GALK2: variants seen among roughly 807,000 people sequenced by gnomAD.
The protein encoded by GALK2 is galactokinase 2.
Under a neutral mutation model 52.4 loss-of-function variants are expected in GALK2, and 36 were observed. The ratio of observed to expected loss-of-function variants is 0.69; its 90% confidence interval spans 0.53 to 0.91. GALK2 has a LOEUF of 0.91. Among genes scored for constraint, GALK2 ranks in the 40% least tolerant of loss-of-function variants. GALK2 has a pLI of 0.00. For synonymous variants in GALK2, 176 were observed against 199.1 expected (o/e 0.88, Z 0.98); for missense variants, 579 against 559.1 (o/e 1.04, Z -0.36).
chr15:49,279,708 G>T (rs1397164983), intron 5 of GALK2, among the ~76,000 whole-genome samples: 1 of 152,196 alleles, frequency 6.6e-6, no homozygotes, highest in African/African-American at 2.4e-5. Context: ...TTTTACACTG[G>T]CCCAGGGTCA....
chr15:49,162,193 A>T (rs1595847524), intron 1 of GALK2, among the ~76,000 whole-genome samples: 1 of 152,240 alleles, frequency 6.6e-6, no homozygotes, highest in East Asian at 1.9e-4. Flanking sequence ...TTGTCACTAT[A>T]GATTAGTTTA....
intron 3 of GALK2, among the ~76,000 whole-genome samples, chr15:49,359,632 C>T (rs925716011): frequency 7.8e-6 from 1 of 128,320 alleles, no homozygotes; most frequent in African/African-American, 3.0e-5. Context: ...CACTTTTACA[C>T]TGTTGGTGGG....
chr15:49,312,320 G>A (rs1438936304), intron 8 of GALK2, among the ~76,000 whole-genome samples: 3 of 152,232 alleles, frequency 2.0e-5, no homozygotes, highest in African/African-American at 7.2e-5. Context: ...GGTAGAAGAA[G>A]GGAGATAGGT....
chr15:49,277,824 A>T (rs1439386260), intron 5 of GALK2, among the ~76,000 whole-genome samples: 3 of 151,958 alleles, frequency 2.0e-5, no homozygotes, highest in African/African-American at 7.2e-5. Flanking sequence ...AAAGGATTTG[A>T]CCTTTCTGCT....
chr15:49,365,431 C>T (rs2151436977), intron 3 of GALK2: 1 of 944,998 alleles, frequency 1.1e-6, no homozygotes. Context: ...ACGCAAGCAA[C>T]AGGCCTGTAC....
chr15:49,280,041 C>T (rs1282778464), intron 5 of GALK2, among the ~76,000 whole-genome samples: 1 of 152,150 alleles, frequency 6.6e-6, no homozygotes, highest in Non-Finnish European at 1.5e-5. Flanking sequence ...TTGAAAGCAG[C>T]AGGTGTTTAT....
At chr15:49,188,380 C>G (rs187178310) in intron 1 of GALK2, among the ~76,000 whole-genome samples, 180 of 152,292 alleles carry the variant, frequency 1.2e-3, no homozygotes, top group Non-Finnish European at 1.9e-3. Flanking sequence ...GATTTCTGCA[C>G]TGTGTTACTT....
intron 3 of GALK2, among the ~76,000 whole-genome samples, chr15:49,355,270 C>T: frequency 6.6e-6 from 1 of 152,208 alleles, no homozygotes; most frequent in Non-Finnish European, 1.5e-5. Context: ...GAGAAGAAGG[C>T]TTCAGACTAT....
At chr15:49,232,567 C>A (rs2090561785) in intron 3 of GALK2, among the ~76,000 whole-genome samples, 1 of 152,212 alleles carries the variant, frequency 6.6e-6, no homozygotes, top group African/African-American at 2.4e-5. Flanking sequence ...CATGGCCAGC[C>A]TTCAAATTTT....
At chr15:49,367,638 C>A (rs779900462) in exon 4 of GALK2, 1 of 1,523,344 alleles carries the variant, frequency 6.6e-7, no homozygotes, top group Non-Finnish European at 8.7e-7. Context: ...ATCAAGACAA[C>A]GATTACTTTT....
In GALK2 at chr15:49,216,882, C is replaced by A. The variant is rs1480570500; in HGVS notation, c.143-308C>A. On this transcript the variant is annotated intron_variant, in intron 2 of 9. Transcript: ENST00000560031. ...GCTGGAAGGGATCCTGTAGGCAATG[C>A]AAGACTGTCTTTCCTGTCCTCTTCA... Among the ~76,000 whole-genome samples, 5 of 152,166 alleles carry A rather than the reference C, an allele frequency of 3.3e-5. No individual in the cohort carries two copies. The East Asian group carries it at 7.7e-4, about 23-fold the overall frequency.
Position 49,193,244 on chromosome 15 carries a change from C to T in GALK2, c.54-7918C>T, listed in dbSNP as rs529724577. On this transcript the variant is annotated intron_variant, in intron 1 of 9. Transcript: ENST00000560031. ...AACTCCTGACCTCAGGCAGTCCACTCGCCTTGGCCTCCCAAAGTGCTGGGA... is the reference window on the plus strand; with the variant it reads ...AACTCCTGACCTCAGGCAGTCCACTTGCCTTGGCCTCCCAAAGTGCTGGGA... Among the ~76,000 whole-genome samples the T allele has an allele frequency of 2.0e-5, 3 of 151,866 alleles. No homozygotes were observed. The East Asian group carries it at 5.8e-4, about 29-fold the overall frequency.
intron 8 of GALK2, among the ~76,000 whole-genome samples, chr15:49,299,713 T>G (rs78060358): frequency 0.11 from 4,180 of 38,090 alleles, 92 homozygotes; most frequent in Admixed American, 0.14. Flanking sequence ...GGTATTGCTT[T>G]CTTTCTTTCT....
chr15:49,365,601 G>A (rs1180400228), intron 3 of GALK2: 4 of 1,018,420 alleles, frequency 3.9e-6, no homozygotes, highest in Admixed American at 1.7e-5. Context: ...CATTCTTTGT[G>A]ATGAATGGTG....
chr15:49,219,588 C>A (rs1052741164), intron 3 of GALK2, among the ~76,000 whole-genome samples: 4 of 152,130 alleles, frequency 2.6e-5, no homozygotes, highest in Admixed American at 2.6e-4. Flanking sequence ...GTGGATGGAT[C>A]TCTTGAGCCT....
chr15:49,226,047 A>G (rs1046637001), intron 3 of GALK2, among the ~76,000 whole-genome samples: 2 of 152,182 alleles, frequency 1.3e-5, no homozygotes, highest in Non-Finnish European at 2.9e-5. Flanking sequence ...CTCTTGACCC[A>G]GTGGTCAACT....
chr15:49,261,060 G>A (rs1198347120), intron 5 of GALK2, among the ~76,000 whole-genome samples: 1 of 151,602 alleles, frequency 6.6e-6, no homozygotes, highest in Non-Finnish European at 1.5e-5. Context: ...GCTCTTTTTT[G>A]GTTCCATATG....
At chr15:49,304,757 T>C (rs1171963449) in intron 8 of GALK2, among the ~76,000 whole-genome samples, 1 of 152,272 alleles carries the variant, frequency 6.6e-6, no homozygotes, top group Non-Finnish European at 1.5e-5. Context: ...CTTTCTCATA[T>C]ACAAATACGA....
At chr15:49,314,449 G>C (rs118146851) in intron 8 of GALK2, among the ~76,000 whole-genome samples, 1,893 of 152,276 alleles carry the variant, frequency 0.012, 17 homozygotes, top group Non-Finnish European at 0.02. Context: ...TTTTTGGTGA[G>C]GATGCTAGTG....
Sources: gnomAD v4.1 joint callset for allele counts (sites outside exome capture counted in the v4.1 genomes callset) on GRCh38, gnomAD v4.1.1 for gene constraint, MANE v1.5 for transcripts, NCBI Gene and HGNC (gene_info 2026-07-23, HGNC 2026-07-21) for gene names.